NAALADL2: variants seen among roughly 807,000 people sequenced by gnomAD.
NAALADL2 encodes the protein inactive N-acetylated-alpha-linked acidic dipeptidase-like protein 2.
A neutral mutation model predicts 87.2 loss-of-function variants in NAALADL2; 76 were observed. The ratio of observed to expected loss-of-function variants is 0.87; its 90% confidence interval spans 0.72 to 1.05. The LOEUF is 1.05. Ranked by LOEUF, NAALADL2 falls within the 50% of genes least tolerant of loss-of-function variation. The probability of loss-of-function intolerance (pLI) is 0.00; values close to 1 mark genes in which losing one functional copy is unlikely to be tolerated. For synonymous variants in NAALADL2, 354 were observed against 331.0 expected (o/e 1.07, Z -0.75); for missense variants, 1,089 against 945.8 (o/e 1.15, Z -1.99).
rs1429315391 is a variant in NAALADL2, at chr3:175,698,411, GTATGTATACATATGTATGTGTATATATT to G, written c.1897-38887_1897-38860del. Among the ~76,000 whole-genome samples, 37 of 53,934 alleles carry G rather than the reference GTATGTATACATATGTATGTGTATATATT, an allele frequency of 6.9e-4. 5 individuals are homozygous for G. The highest frequency in any genetic ancestry group is 1.2e-3 in the African/African-American group (5 of 4,124). The allele number at this position is 53,934 out of a possible 152,430, so 35.4% of individuals were successfully genotyped here. Reference sequence around the variant, plus strand: ...TGTATACATATGTATGTGTATTTATGTATGTATACATATGTATGTGTATATATTTATGTATGTATACATATATGTGTAT... The same window carrying G: ...TGTATACATATGTATGTGTATTTATGTATGTATGTATACATATATGTGTAT... On this transcript the variant is annotated intron_variant, in intron 11 of 13. Coordinates refer to ENST00000454872, the MANE Select transcript of NAALADL2 (RefSeq NM_207015.3).
intron 2 of NAALADL2, among the ~76,000 whole-genome samples, chr3:174,642,455 C>A (rs1723298515): frequency 6.7e-6 from 1 of 149,154 alleles, no homozygotes; most frequent in South Asian, 2.1e-4. Flanking sequence ...TAGCTGAGAT[C>A]GCGCCACTGC....
chr3:175,059,850 A>G (rs1482111246), intron 1 of NAALADL2: 1 of 322,652 alleles, frequency 3.1e-6, no homozygotes. Flanking sequence ...TTTCATGAGA[A>G]TTGATGTGAC....
At chr3:174,996,014 C>G (rs1368980849) in intron 1 of NAALADL2, among the ~76,000 whole-genome samples, 3 of 152,068 alleles carry the variant, frequency 2.0e-5, no homozygotes, top group Non-Finnish European at 2.9e-5. Context: ...GGAGTTGTTC[C>G]TCACACCAGG....
At chr3:175,082,874 A>ACAGT (rs1363926258) in intron 1 of NAALADL2, among the ~76,000 whole-genome samples, 1 of 152,210 alleles carries the variant, frequency 6.6e-6, no homozygotes, top group Non-Finnish European at 1.5e-5. Flanking sequence ...CAGTCTCTAC[A>ACAGT]CAGTCAGTCT....
intron 1 of NAALADL2, among the ~76,000 whole-genome samples, chr3:175,032,902 T>C (rs1201010318): frequency 6.6e-6 from 1 of 152,066 alleles, no homozygotes; most frequent in Admixed American, 6.6e-5. Flanking sequence ...GCATTTTCTC[T>C]ATTCTTCCCT....
At chr3:175,296,699 C>T (rs868370885) in intron 4 of NAALADL2, among the ~76,000 whole-genome samples, 19 of 152,214 alleles carry the variant, frequency 1.2e-4, no homozygotes, top group African/African-American at 3.1e-4. Flanking sequence ...TCTGTGTCAA[C>T]ACTGTATTTT....
At chr3:175,182,579 G>A (rs1197568220) in intron 2 of NAALADL2, among the ~76,000 whole-genome samples, 9 of 5,468 alleles carry the variant, frequency 1.6e-3, no homozygotes, top group Non-Finnish European at 1.3e-3. Flanking sequence ...TTTTTTTTTT[G>A]TAGAGATGTG....
At chr3:175,056,515 A>G (rs1712216450) in intron 1 of NAALADL2, among the ~76,000 whole-genome samples, 1 of 152,130 alleles carries the variant, frequency 6.6e-6, no homozygotes, top group South Asian at 2.1e-4. Context: ...ACTTGCCAAG[A>G]CAAGGTGGGT....
intron 2 of NAALADL2, among the ~76,000 whole-genome samples, chr3:174,622,925 C>T (rs1279878170): frequency 2.0e-5 from 3 of 152,130 alleles, no homozygotes; most frequent in African/African-American, 7.2e-5. Context: ...CACCTATAGT[C>T]CCAGCAACTG....
At chr3:175,330,810 A>C (rs1352188505) in intron 5 of NAALADL2, among the ~76,000 whole-genome samples, 1 of 152,162 alleles carries the variant, frequency 6.6e-6, no homozygotes, top group Non-Finnish European at 1.5e-5. Context: ...AAAATATCAG[A>C]GTAGAACTAA....
intron 1 of NAALADL2, among the ~76,000 whole-genome samples, chr3:174,965,207 A>G (rs1473320478): frequency 1.3e-5 from 2 of 152,074 alleles, no homozygotes; most frequent in African/African-American, 2.4e-5. Context: ...TCAGTTCCTC[A>G]CTGGCCATTG....
chr3:175,465,125 G>A (rs536760487), intron 7 of NAALADL2, among the ~76,000 whole-genome samples: 2 of 151,966 alleles, frequency 1.3e-5, no homozygotes, highest in South Asian at 2.1e-4. Context: ...GGTGGCAGAC[G>A]CCTGTAGTCC....
intron 2 of NAALADL2, among the ~76,000 whole-genome samples, chr3:174,632,327 G>A (rs923107925): frequency 3.9e-5 from 6 of 152,272 alleles, no homozygotes; most frequent in Non-Finnish European, 8.8e-5. Context: ...AAAGAGAGGA[G>A]TTTTAAATAA....
At chr3:174,946,043 CAAAAAAAAAA>C (rs57964168) in intron 1 of NAALADL2, among the ~76,000 whole-genome samples, 14 of 50,260 alleles carry the variant, frequency 2.8e-4, no homozygotes, top group African/African-American at 6.9e-4. Context: ...GACTCTGCCT[CAAAAAAAAAA>C]AAAAAAAAAA....
At chr3:174,477,718 G>A (rs1039130228) in intron 1 of NAALADL2, among the ~76,000 whole-genome samples, 1 of 152,122 alleles carries the variant, frequency 6.6e-6, no homozygotes, top group Non-Finnish European at 1.5e-5. Flanking sequence ...AGTGCCCTAG[G>A]GCAAAAATTA....
intron 11 of NAALADL2, among the ~76,000 whole-genome samples, chr3:175,659,210 A>G (rs556021985): frequency 6.6e-6 from 1 of 152,332 alleles, no homozygotes; most frequent in East Asian, 1.9e-4. Flanking sequence ...GTATTTATTG[A>G]TGTTTATTAC....
intron 1 of NAALADL2, among the ~76,000 whole-genome samples, chr3:174,482,302 C>T (rs1003853729): frequency 2.0e-5 from 3 of 152,010 alleles, no homozygotes; most frequent in Non-Finnish European, 2.9e-5. Flanking sequence ...AAAGGCCCAG[C>T]AAGTGAGTTC....
intron 1 of NAALADL2, among the ~76,000 whole-genome samples, chr3:175,059,186 T>G (rs1161466542): frequency 2.0e-5 from 3 of 152,206 alleles, no homozygotes; most frequent in African/African-American, 7.2e-5. Context: ...TAAACATCTT[T>G]TATTCATCTC....
intron 2 of NAALADL2, among the ~76,000 whole-genome samples, chr3:174,696,275 T>C (rs2108867332): frequency 6.6e-6 from 1 of 152,138 alleles, no homozygotes; most frequent in East Asian, 1.9e-4. Flanking sequence ...ATTATATGCA[T>C]AATACTTGGA....
Sources: allele counts gnomAD v4.1 joint callset (sites outside exome capture counted in the v4.1 genomes callset), GRCh38; gene constraint gnomAD v4.1.1; transcripts MANE v1.5; gene names NCBI Gene and HGNC (gene_info 2026-07-23, HGNC 2026-07-21).